The following PDE8B variants were observed in gnomAD, a reference collection of about 807,000 sequenced individuals.
The protein encoded by PDE8B is phosphodiesterase 8B, also known as high affinity cAMP-specific and IBMX-insensitive 3',5'-cyclic phosphodiesterase 8B.
Under a neutral mutation model 101.3 loss-of-function variants are expected in PDE8B, and 26 were observed. The ratio of observed to expected loss-of-function variants is 0.26; its 90% CI spans 0.19 to 0.36. PDE8B has a LOEUF of 0.36. Ranked by LOEUF, PDE8B falls within the 10% of genes least tolerant of loss-of-function variation. The pLI is 1.00. For missense variants in PDE8B, 810 were observed against 1,163.1 expected (o/e 0.70, Z 4.42); for synonymous variants, 424 against 429.3 (o/e 0.99, Z 0.15).
chr5:77,202,402 T>C, the PDE8B span, among the ~76,000 whole-genome samples: 1 of 152,194 alleles, frequency 6.6e-6, no homozygotes, highest in Non-Finnish European at 1.5e-5. Flanking sequence ...CTCTTCCTCC[T>C]CAGCTTACTT....
chr5:77,397,791 C>A (rs1407516512), intron 10 of PDE8B, among the ~76,000 whole-genome samples: 1 of 152,128 alleles, frequency 6.6e-6, no homozygotes, highest in Non-Finnish European at 1.5e-5. Context: ...ATAGTAGTAA[C>A]CACTTGCTTT....
intron 1 of PDE8B, among the ~76,000 whole-genome samples, chr5:77,242,320 A>G (rs1370332822): frequency 1.3e-5 from 2 of 152,200 alleles, no homozygotes; most frequent in Admixed American, 6.5e-5. Flanking sequence ...AGGTGGCCAA[A>G]TATCAGTAGC....
intron 1 of PDE8B, among the ~76,000 whole-genome samples, chr5:77,296,496 C>T (rs1454440004): frequency 1.3e-5 from 2 of 152,104 alleles, no homozygotes; most frequent in Admixed American, 6.6e-5. Context: ...CTCTTGGCTC[C>T]CCAAAAGCTG....
chr5:77,278,940 A>G (rs776666768), intron 1 of PDE8B, among the ~76,000 whole-genome samples: 11 of 152,196 alleles, frequency 7.2e-5, no homozygotes, highest in Non-Finnish European at 1.5e-4. Context: ...TTTGAGACTC[A>G]TGTTACTTCC....
chr5:77,231,256 G>A (rs181581508), intron 1 of PDE8B, among the ~76,000 whole-genome samples: 19 of 152,320 alleles, frequency 1.2e-4, no homozygotes, highest in African/African-American at 4.6e-4. Context: ...TGTGGAAATT[G>A]GAAAGACACA....
chr5:77,413,041 C>CT (rs1794865434), intron 16 of PDE8B, 70 bp from the exon 17 acceptor site: 2 of 1,288,212 alleles, frequency 1.6e-6, no homozygotes, highest in Non-Finnish European at 2.3e-6. Context: ...CCATGCCCCA[C>CT]TATCATCAAA....
chr5:77,177,363 T>C, the PDE8B span, among the ~76,000 whole-genome samples: 1 of 152,342 alleles, frequency 6.6e-6, no homozygotes, highest in Admixed American at 6.5e-5. Flanking sequence ...TATACATACG[T>C]ACCTATGATA....
chr5:77,291,066 T>C, intron 1 of PDE8B: 2 of 1,611,580 alleles, frequency 1.2e-6, no homozygotes, highest in African/African-American at 1.3e-5. Flanking sequence ...GAGAAGTTTG[T>C]TGGAACTTGG....
chr5:77,248,443 T>TTTTTTG (rs386404170), intron 1 of PDE8B, among the ~76,000 whole-genome samples: 48 of 152,112 alleles, frequency 3.2e-4, no homozygotes, highest in African/African-American at 1.1e-3. Context: ...TAAATTAGTT[T>TTTTTTG]TTGTTGTTGT....
At chr5:77,303,016 A>C (rs911575986) in intron 1 of PDE8B, among the ~76,000 whole-genome samples, 2 of 152,208 alleles carry the variant, frequency 1.3e-5, no homozygotes, top group African/African-American at 4.8e-5. Flanking sequence ...AGGAATTTTA[A>C]ATACAACACC....
At chr5:77,303,788 T>C (rs1315750845) in intron 1 of PDE8B, among the ~76,000 whole-genome samples, 1 of 152,224 alleles carries the variant, frequency 6.6e-6, no homozygotes, top group Non-Finnish European at 1.5e-5. Context: ...TCCTAAGGTA[T>C]GCATCATTCT....
chr5:77,179,379 G>C, the PDE8B span, among the ~76,000 whole-genome samples: 5,507 of 152,274 alleles, frequency 0.036, 334 homozygotes, highest in African/African-American at 0.13. Flanking sequence ...TCAGCACTGT[G>C]GGCAGCTGAG....
chr5:77,291,687 AC>A, intron 1 of PDE8B: 1 of 1,595,376 alleles, frequency 6.3e-7, no homozygotes, highest in East Asian at 2.2e-5. Flanking sequence ...AGAAAAGCAC[AC>A]TGGTGGTGGC....
At chr5:77,283,713 C>T (rs1317443849) in intron 1 of PDE8B, among the ~76,000 whole-genome samples, 1 of 152,040 alleles carries the variant, frequency 6.6e-6, no homozygotes, top group African/African-American at 2.4e-5. Context: ...TAGAATGTAC[C>T]ACAGTTTATT....
rs141177436 is a variant in PDE8B at position 77,347,469 on chromosome 5, A to G, written c.877-1950A>G. Among the ~76,000 whole-genome samples the G allele has an allele frequency of 1.7e-3, 264 of 152,366 alleles. 2 individuals are homozygous for G. The highest frequency in any genetic ancestry group is 6.1e-3 in the African/African-American group (254 of 41,584). On this transcript the variant is annotated intron_variant, in intron 7 of 21. Transcript: ENST00000264917. The stretch of plus-strand genomic sequence containing the variant: ...TTTACAACTTAATAGGGAAGGCAGA[A>G]TGAACACACATGAAAAGGTATGAGA...
intron 1 of PDE8B, among the ~76,000 whole-genome samples, chr5:77,258,638 C>T (rs1387690400): frequency 6.6e-6 from 1 of 152,198 alleles, no homozygotes; most frequent in Non-Finnish European, 1.5e-5. Context: ...TCTTTCAAAC[C>T]TGTTCTGTCA....
chr5:77,238,959 T>A (rs1377851584), intron 1 of PDE8B, among the ~76,000 whole-genome samples: 2 of 152,230 alleles, frequency 1.3e-5, no homozygotes, highest in African/African-American at 4.8e-5. Context: ...TTACTCAGTC[T>A]ACTAATTCAA....
intron 1 of PDE8B, among the ~76,000 whole-genome samples, chr5:77,303,651 A>G (rs566516257): frequency 8.5e-5 from 13 of 152,298 alleles, no homozygotes; most frequent in South Asian, 4.1e-4. Flanking sequence ...CCCTGAATTC[A>G]TCGTCCCCTC....
intron 1 of PDE8B, among the ~76,000 whole-genome samples, chr5:77,232,649 T>C (rs1753807368): frequency 6.6e-6 from 1 of 152,206 alleles, no homozygotes; most frequent in Non-Finnish European, 1.5e-5. Context: ...TGACCTGTTT[T>C]CTGTGTCATC....
Sources: allele counts gnomAD v4.1 joint callset (sites outside exome capture counted in the v4.1 genomes callset), GRCh38; gene constraint gnomAD v4.1.1; transcripts MANE v1.5; gene names NCBI Gene and HGNC (gene_info 2026-07-23, HGNC 2026-07-21).